GGT1: variants seen among roughly 807,000 people sequenced by gnomAD.
The protein encoded by GGT1 is glutathione hydrolase 1 proenzyme.
In GGT1, 21 loss-of-function variants were observed where a neutral mutation model predicts 56.0. The ratio of observed to expected loss-of-function variants is 0.38; its 90% CI spans 0.27 to 0.54. The LOEUF (loss-of-function observed/expected upper bound fraction) is 0.54. Ranked by LOEUF, GGT1 falls within the 20% of genes least tolerant of loss-of-function variation. GGT1 has a pLI of 0.82. For synonymous variants in GGT1, 238 were observed against 342.6 expected, an observed-to-expected ratio of 0.69 and a Z score of 3.37; for missense variants, 466 against 787.0, an observed-to-expected ratio of 0.59 and a Z score of 4.88.
upstream of GGT1, among the ~76,000 whole-genome samples, chr22:24,594,297 T>G (rs2045650953): frequency 6.6e-6 from 1 of 151,958 alleles, no homozygotes. Flanking sequence ...AAGGAGCACG[T>G]GTTTAGCCTG....
intron 1 of GGT1, 127 bp from the exon 2 acceptor site, chr22:24,607,827 G>A (rs757628288): frequency 1.2e-5 from 4 of 326,108 alleles, no homozygotes; most frequent in Non-Finnish European, 2.6e-5. Context: ...CAATTCGGAG[G>A]CCCCCTGAGG....
chr22:24,604,351 GAC>G lies in GGT1; in HGVS notation c.-429+826_-429+827del, dbSNP rs1299960141. ...ACCCTTGTGGCTCTGGGGTTGTGGT[GAC>G]AAAGCCATCAAGCTGGGTTGAAGGA... On this transcript the variant is annotated intron_variant, in intron 1 of 15. Transcript: ENST00000400382. Among the ~76,000 whole-genome samples, 3 of 152,284 alleles carry G rather than the reference GAC, an allele frequency of 2.0e-5. No individual in the cohort carries two copies. The East Asian group carries it at 5.8e-4, about 29-fold the overall frequency.
At position 24,605,499 on chromosome 22, in the gene GGT1, ATAT is replaced by A. The variant is rs1407794062; in HGVS notation, c.-429+1976_-429+1978del. Among the ~76,000 whole-genome samples the A allele has an allele frequency of 1.8e-3, 66 of 36,164 alleles. 20 individuals are homozygous for A. The highest frequency in any genetic ancestry group is 9.7e-3 in the African/African-American group (44 of 4,530). 23.7% of individuals were successfully genotyped at this position (36,164 alleles called of 152,430 possible). ...TATAATGTGTATTATATATTATATAATATTATATAATGTGTATTATATATTATA... is the reference window on the plus strand; with the variant it reads ...TATAATGTGTATTATATATTATATAATATATAATGTGTATTATATATTATA... On this transcript the variant is annotated intron_variant, in intron 1 of 15. Coordinates refer to ENST00000400382, the MANE Select transcript of GGT1 (RefSeq NM_001288833.2).
the GGT1 span, chr22:24,585,595 T>TG: frequency 4.2e-6 from 2 of 476,612 alleles, no homozygotes; most frequent in Non-Finnish European, 7.5e-6. Flanking sequence ...GCAGGGCTGT[T>TG]GCTCAGTGAC....
At chr22:24,601,217 A>G (rs1397572404), upstream of GGT1, among the ~76,000 whole-genome samples, 2 of 152,118 alleles carry the variant, frequency 1.3e-5, no homozygotes, top group African/African-American at 2.4e-5. Flanking sequence ...ACCGATCCGC[A>G]TTGTTCGATC....
Position 24,628,242 on chromosome 22 carries a change from C to G in GGT1, c.1450-33C>G. 1 of 1,611,998 alleles carries G rather than the reference C, an allele frequency of 6.2e-7. No homozygotes were observed. The highest frequency in any genetic ancestry group is 8.5e-7 in the Non-Finnish European group (1 of 1,179,858). On this transcript the variant is annotated intron_variant, in intron 14 of 15. Coordinates refer to ENST00000400382, the MANE Select transcript of GGT1 (RefSeq NM_001288833.2). This position sits in a 1 kb window ranked among gnomAD's most constrained non-coding sequence, Gnocchi z 5.7. ...TGGCCGTGCCCACCCTGCACAGCCCCCAAGCCATGCTGATCACACTCCCAT... is the reference window on the plus strand; with the variant it reads ...TGGCCGTGCCCACCCTGCACAGCCCGCAAGCCATGCTGATCACACTCCCAT...
chr22:24,620,074 AG>A lies in GGT1; in HGVS notation c.383-252del, dbSNP rs1345225330. 6.6e-6 allele frequency among the ~76,000 whole-genome samples: 1 copy of A among 151,926 alleles called. No homozygotes were observed. The highest frequency in any genetic ancestry group is 1.5e-5 in the Non-Finnish European group (1 of 67,984). On this transcript the variant is annotated intron_variant, in intron 7 of 15. Coordinates refer to ENST00000400382, the MANE Select transcript of GGT1 (RefSeq NM_001288833.2). The surrounding 1 kb of genome is among the most constrained non-coding windows in gnomAD (Gnocchi z 5.6). ...TAAAAATTAAAAATCCCCTTCTGCTAGGTGTGCTGTTCACGCCTGTAATCTC... is the reference window on the plus strand; with the variant it reads ...TAAAAATTAAAAATCCCCTTCTGCTAGTGTGCTGTTCACGCCTGTAATCTC...
At chr22:24,607,311 CA>C (rs1170799227) in intron 1 of GGT1, among the ~76,000 whole-genome samples, 2 of 152,036 alleles carry the variant, frequency 1.3e-5, no homozygotes, top group African/African-American at 4.8e-5. Flanking sequence ...GGTCTAGTGC[CA>C]GGGGCACCAC....
At chr22:24,593,683 AG>A (rs2045638375), upstream of GGT1, among the ~76,000 whole-genome samples, 1 of 151,574 alleles carries the variant, frequency 6.6e-6, no homozygotes, top group African/African-American at 2.4e-5. Context: ...GCTATTCGGG[AG>A]GTTGAGGTAG....
upstream of GGT1, among the ~76,000 whole-genome samples, chr22:24,594,214 G>A (rs1328770946): frequency 1.3e-5 from 2 of 152,154 alleles, no homozygotes; most frequent in Non-Finnish European, 2.9e-5. Flanking sequence ...CCCCAATCCC[G>A]GCTCTGGGAC....
intron 1 of GGT1, among the ~76,000 whole-genome samples, chr22:24,604,553 G>A (rs2045913471): frequency 6.6e-6 from 1 of 152,136 alleles, no homozygotes; most frequent in South Asian, 2.1e-4. Context: ...CTGTGTCTCT[G>A]GGTGAGTGAG....
rs1358978424 is a variant in GGT1 at position 24,610,380 on chromosome 22, C to T, written c.-159C>T. 4 of 205,646 alleles carry T rather than the reference C, an allele frequency of 1.9e-5. No individual in the cohort carries two copies. 12.7% of individuals were successfully genotyped at this position (205,646 alleles called of 1,614,324 possible). On this transcript the variant is annotated 5_prime_UTR_variant, in exon 4 of 16. Transcript: ENST00000400382. ...CAGGAGAACGAGAAGGCTGCCTGATCAGAGAGTCCCTGAAGAAGATTCTGT... is the reference window on the plus strand; with the variant it reads ...CAGGAGAACGAGAAGGCTGCCTGATTAGAGAGTCCCTGAAGAAGATTCTGT...
At chr22:24,588,039 G>A in the GGT1 span, among the ~76,000 whole-genome samples, 2 of 152,154 alleles carry the variant, frequency 1.3e-5, no homozygotes, top group Admixed American at 6.5e-5. Flanking sequence ...TTGGCTTGGG[G>A]AGCATCTGCT....
intron 7 of GGT1, among the ~76,000 whole-genome samples, chr22:24,615,372 G>T (rs1008321640): frequency 2.0e-4 from 30 of 152,202 alleles, no homozygotes; most frequent in African/African-American, 6.5e-4. Flanking sequence ...CACATGGAGA[G>T]AATAATTATT....
At chr22:24,588,242 T>C in the GGT1 span, 1 of 1,613,468 alleles carries the variant, frequency 6.2e-7, no homozygotes, top group South Asian at 1.1e-5. Context: ...TGGCGCAGGC[T>C]GGACCCTTGC....
Position 24,615,157 on chromosome 22 carries a change from G to T in GGT1, c.382+30G>T, listed in dbSNP as rs7287997. Reference sequence around the variant, plus strand: ...GCCATGCGGCAGACTTGGGGCGTGGGTGCAGAGCTGGCTGAGCCACCGGGA... The same window carrying T: ...GCCATGCGGCAGACTTGGGGCGTGGTTGCAGAGCTGGCTGAGCCACCGGGA... On this transcript the variant is annotated intron_variant, in intron 7 of 15. Transcript: ENST00000400382. 2.4e-3 allele frequency: 3,709 copies of T among 1,532,582 alleles called. 67 individuals carry two copies. The African/African-American group carries it at 0.042, about 17-fold the overall frequency. The allele number at this position is 1,532,582 out of a possible 1,614,324, so 94.9% of individuals were successfully genotyped here.
chr22:24,593,461 T>C (rs537018689), upstream of GGT1, among the ~76,000 whole-genome samples: 72 of 152,304 alleles, frequency 4.7e-4, no homozygotes, highest in African/African-American at 1.7e-3. Context: ...TTTAGAAATA[T>C]GCCCTGCATG....
At chr22:24,594,391 A>ATGTGTGTGTGTGTG (rs61535476), upstream of GGT1, among the ~76,000 whole-genome samples, 21 of 142,302 alleles carry the variant, frequency 1.5e-4, no homozygotes, top group East Asian at 3.5e-3. Flanking sequence ...ACCCGTGTGT[A>ATGTGTGTGTGTGTG]TGTGTGTGTG....
chr22:24,604,498 C>T (rs1355123747), intron 1 of GGT1, among the ~76,000 whole-genome samples: 9 of 152,068 alleles, frequency 5.9e-5, no homozygotes, highest in Non-Finnish European at 8.8e-5. Flanking sequence ...TGTGTGCGCA[C>T]GTGCTTGCAC....
Sources: gnomAD v4.1 joint callset for allele counts (sites outside exome capture counted in the v4.1 genomes callset) on GRCh38, gnomAD v4.1.1 for gene constraint, Gnocchi (gnomAD v3.1) non-coding constraint, MANE v1.5 for transcripts, NCBI Gene and HGNC (gene_info 2026-07-23, HGNC 2026-07-21) for gene names.